The following NR1D2 variants were observed in gnomAD, a reference collection of about 807,000 sequenced individuals.
NR1D2 encodes V-erbA-related protein 1-related.
In NR1D2, 25 loss-of-function variants were observed where a neutral mutation model predicts 52.2. The ratio of observed to expected loss-of-function variants is 0.48; its 90% confidence interval spans 0.35 to 0.67. The LOEUF is 0.67. NR1D2 is among the 30% of genes least tolerant of loss of function. The pLI, the probability that NR1D2 is intolerant of heterozygous loss-of-function variation, is 0.01. For synonymous variants in NR1D2, 259 were observed against 230.1 expected, an observed-to-expected ratio of 1.13 and a Z score of -1.14; for missense variants, 681 against 707.2, an observed-to-expected ratio of 0.96 and a Z score of 0.42.
chr3:23,961,433 TCA>T (rs1273891520), intron 4 of NR1D2, among the ~76,000 whole-genome samples: 1 of 145,662 alleles, frequency 6.9e-6, no homozygotes, highest in African/African-American at 2.6e-5. Flanking sequence ...TATTGCTCTG[TCA>T]CCTAGGCTGG....
chr3:23,957,001 A>G (rs1413221033), intron 3 of NR1D2, among the ~76,000 whole-genome samples: 2 of 149,438 alleles, frequency 1.3e-5, no homozygotes, highest in Non-Finnish European at 3.0e-5. Flanking sequence ...TTTTTTTTTT[A>G]GATGGAGTTT....
chr3:23,971,985 A>G (rs1035295944), intron 7 of NR1D2, among the ~76,000 whole-genome samples: 4 of 152,208 alleles, frequency 2.6e-5, no homozygotes, highest in Admixed American at 6.5e-5. Flanking sequence ...CTCTTCTCCA[A>G]ACCTCTGCAC....
Position 23,977,559 on chromosome 3 carries a change from C to G in NR1D2, c.*140C>G. The G allele has an allele frequency of 2.0e-6, 1 of 501,474 alleles. No homozygotes were observed. Among genetic ancestry groups the G allele is most frequent in the Non-Finnish European group, 3.4e-6 (1 of 297,370 alleles). The allele number at this position is 501,474 out of a possible 1,614,324, so 31.1% of individuals were successfully genotyped here. On this transcript the variant is annotated 3_prime_UTR_variant, in exon 8 of 8. Transcript: ENST00000312521. ...ATTGTAGGCTATCTCTGTAATCATG[C>G]AATAGCTGTTCGGATTGAGAACTCT...
At position 23,967,794 on chromosome 3, in the gene NR1D2, T is replaced by C. The variant is rs759377048; in HGVS notation, c.1333-19T>C. ...TTGCTGTTAGACTTCTCCAAATACA[T>C]TTCTTTTTCTTTTTCCAGGTTTTAA... On this transcript the variant is annotated intron_variant, in intron 6 of 7. Transcript: ENST00000312521. 19 of 1,596,388 alleles carry C rather than the reference T, an allele frequency of 1.2e-5. No individual in the cohort carries two copies. The Admixed American group carries it at 2.7e-4, about 23-fold the overall frequency.
chr3:23,970,333 C>T (rs1203301775), intron 7 of NR1D2, among the ~76,000 whole-genome samples: 1 of 152,092 alleles, frequency 6.6e-6, no homozygotes, highest in Non-Finnish European at 1.5e-5. Flanking sequence ...GAGGGAAACT[C>T]TGTATGCCAG....
In NR1D2 at chr3:23,945,548, G is replaced by C; in HGVS notation, c.-31G>C. On this transcript the variant is annotated 5_prime_UTR_variant, in exon 1 of 8. Transcript: ENST00000312521. The stretch of plus-strand genomic sequence containing the variant: ...CGGCGCTGCCCCCTCTGCGGGAAGC[G>C]GGCGGCCCCGGCCGCCTCCGCGAGG... 8.7e-7 allele frequency: 1 copy of C among 1,149,446 alleles called. No homozygotes were observed. The highest frequency in any genetic ancestry group is 1.1e-6 in the Non-Finnish European group (1 of 928,402). 71.2% of individuals were successfully genotyped at this position (1,149,446 alleles called of 1,614,324 possible). A position where few individuals can be genotyped will look rare whatever the true frequency, so the allele number is the denominator to read the frequency against.
Position 23,977,456 on chromosome 3 carries a change from G to A in NR1D2, c.*37G>A. The A allele has an allele frequency of 4.3e-6, 6 of 1,388,474 alleles. No individual in the cohort carries two copies. The highest frequency in any genetic ancestry group is 5.9e-6 in the Non-Finnish European group (6 of 1,020,570). 86.0% of individuals were successfully genotyped at this position (1,388,474 alleles called of 1,614,324 possible). On this transcript the variant is annotated 3_prime_UTR_variant, in exon 8 of 8. Coordinates refer to ENST00000312521, the MANE Select transcript of NR1D2 (RefSeq NM_005126.5). ...ATTTAAACATGAACTGATGGTAACTGTACATTTTGTGCTAAAATGCATATT... is the reference window on the plus strand; with the variant it reads ...ATTTAAACATGAACTGATGGTAACTATACATTTTGTGCTAAAATGCATATT...
At chr3:23,964,949 A>T in intron 5 of NR1D2, 28 bp from the exon 6 acceptor site, 1 of 1,479,362 alleles carries the variant, frequency 6.8e-7, no homozygotes, top group Non-Finnish European at 9.3e-7. Flanking sequence ...CTTAGTATTT[A>T]AGAGTTTTTC....
chr3:23,975,151 C>T lies in NR1D2; in HGVS notation c.1544-2072C>T, dbSNP rs147920160. Among the ~76,000 whole-genome samples, 102 of 152,046 alleles carry T rather than the reference C, an allele frequency of 6.7e-4. 1 individual carries two copies. The highest frequency in any genetic ancestry group is 2.3e-3 in the African/African-American group (97 of 41,448). On this transcript the variant is annotated intron_variant, in intron 7 of 7. Coordinates refer to ENST00000312521, the MANE Select transcript of NR1D2 (RefSeq NM_005126.5). The stretch of plus-strand genomic sequence containing the variant: ...CTTTTTATTTTTTGAGACAGCATCT[C>T]GCTCTGTCACCCAGACTGGAGTGCA...
intron 4 of NR1D2, among the ~76,000 whole-genome samples, chr3:23,960,420 T>C (rs1706205054): frequency 1.3e-5 from 2 of 151,212 alleles, no homozygotes; most frequent in Admixed American, 1.3e-4. Context: ...AGCCTCTATC[T>C]CCCAGGTTCA....
In NR1D2 at chr3:23,964,973, C is replaced by T. The variant is rs758275318; in HGVS notation, c.1147-4C>T. On this transcript the variant is annotated splice_region_variant and splice_polypyrimidine_tract_variant and intron_variant, in intron 5 of 7. Coordinates refer to ENST00000312521, the MANE Select transcript of NR1D2 (RefSeq NM_005126.5). ...TAAGAGTTTTTCCGTTTTATGTATA[C>T]TAGGTTTGTCCAATGAGTAAGTCTC... 7 of 1,599,414 alleles carry T rather than the reference C, an allele frequency of 4.4e-6. No individual in the cohort carries two copies. The highest frequency in any genetic ancestry group is 6.0e-6 in the Non-Finnish European group (7 of 1,170,970).
At chr3:23,945,727 C>G (rs187468838) in intron 1 of NR1D2, 133 bp downstream of exon 1, 7 of 598,008 alleles carry the variant, frequency 1.2e-5, no homozygotes, top group Admixed American at 1.0e-4. Context: ...CGCCGCGTGT[C>G]CGCCTCTGGC....
At chr3:23,954,403 T>C in intron 1 of NR1D2, 134 bp from the exon 2 acceptor site, 1 of 747,812 alleles carries the variant, frequency 1.3e-6, no homozygotes, top group South Asian at 1.8e-5. Flanking sequence ...CTTTATTTTT[T>C]GCTTTTGGTG....
At chr3:23,963,219 C>G (rs1232232152) in intron 5 of NR1D2, 2 of 1,298,394 alleles carry the variant, frequency 1.5e-6, no homozygotes, top group Non-Finnish European at 2.1e-6. Context: ...CATTCTACAT[C>G]AAAGTACAGT....
intron 1 of NR1D2, among the ~76,000 whole-genome samples, chr3:23,954,314 C>G (rs1210513887): frequency 6.6e-6 from 1 of 152,202 alleles, no homozygotes; most frequent in Admixed American, 6.5e-5. Context: ...CCGGGCCTAT[C>G]TCCCTTTTTA....
chr3:23,956,070 G>T lies in NR1D2; in HGVS notation c.317G>T (p.Cys106Phe). 1 of 1,614,078 alleles carries T rather than the reference G, an allele frequency of 6.2e-7. No individual in the cohort carries two copies. The highest frequency in any genetic ancestry group is 1.1e-5 in the South Asian group (1 of 91,086). ...GGCATGGTTCTACTGTGTAAAGTCT[G>T]TGGGGATGTGGCGTCAGGATTCCAC... The part of the protein sequence containing the change: ...FSGMVLLCKV[C>F]GDVASGFHYG... The change falls in exon 3 of 8, where the codon TGT becomes TTT. Residue 106 changes from cysteine to phenylalanine, a missense_variant. Cys to Phe is a radical substitution (Grantham distance 205). Around this residue, in one of 3 missense-constraint regions of NR1D2, gnomAD observed 112 missense variants for 162.3 expected, o/e 0.69. Coordinates refer to ENST00000312521, the MANE Select transcript of NR1D2 (RefSeq NM_005126.5).
At chr3:23,971,011 C>G (rs1706574878) in intron 7 of NR1D2, among the ~76,000 whole-genome samples, 1 of 152,162 alleles carries the variant, frequency 6.6e-6, no homozygotes, top group South Asian at 2.1e-4. Context: ...GAACTCCCAA[C>G]CTCAGGTGAT....
At chr3:23,965,815 C>T (rs1437908088) in intron 6 of NR1D2, among the ~76,000 whole-genome samples, 1 of 152,136 alleles carries the variant, frequency 6.6e-6, no homozygotes, top group Non-Finnish European at 1.5e-5. Flanking sequence ...TCCTGAAAGC[C>T]TAGCCTAGCA....
intron 7 of NR1D2, among the ~76,000 whole-genome samples, chr3:23,971,171 G>A (rs1170958497): frequency 6.6e-6 from 1 of 152,108 alleles, no homozygotes; most frequent in Non-Finnish European, 1.5e-5. Flanking sequence ...AAAATGAAAA[G>A]TCTCTGCTTT....
Sources: allele counts gnomAD v4.1 joint callset (sites outside exome capture counted in the v4.1 genomes callset), GRCh38; gene constraint gnomAD v4.1.1; regional missense constraint gnomAD v4.1.1; transcripts MANE v1.5; gene names NCBI Gene and HGNC (gene_info 2026-07-23, HGNC 2026-07-21).